The following CSMD1 variants were observed in gnomAD, a reference collection of about 807,000 sequenced individuals.
CSMD1 encodes the protein CUB and Sushi multiple domains 1, also known as CUB and sushi domain-containing protein 1.
Under a neutral mutation model 417.5 loss-of-function variants are expected in CSMD1, and 213 were observed. That is an observed-to-expected ratio of 0.51 (90% CI 0.46 to 0.57). The LOEUF (loss-of-function observed/expected upper bound fraction) is 0.57, where lower values mean the gene tolerates loss of function less well. Among genes scored for constraint, CSMD1 ranks in the 20% least tolerant of loss-of-function variants. The pLI, the probability that CSMD1 is intolerant of heterozygous loss-of-function variation, is 0.00. For synonymous variants in CSMD1, 2,862 were observed against 1,736.8 expected (o/e 1.65, Z -16.11); for missense variants, 6,923 against 4,529.7 (o/e 1.53, Z -15.17).
At chr8:4,287,159 G>C (rs1282508574) in intron 3 of CSMD1, among the ~76,000 whole-genome samples, 7 of 152,198 alleles carry the variant, frequency 4.6e-5, no homozygotes, top group African/African-American at 1.2e-4. Context: ...TATGTGGACA[G>C]ATTCTGTGTA....
At chr8:3,915,028 T>C (rs1307908375) in intron 5 of CSMD1, among the ~76,000 whole-genome samples, 1 of 152,130 alleles carries the variant, frequency 6.6e-6, no homozygotes. Flanking sequence ...GAGGAGATTC[T>C]ACAAACACAT....
At chr8:3,993,181 G>C (rs930781297) in intron 5 of CSMD1, among the ~76,000 whole-genome samples, 2 of 152,200 alleles carry the variant, frequency 1.3e-5, no homozygotes, top group Non-Finnish European at 2.9e-5. Flanking sequence ...AAGGAAGCTA[G>C]GTTTAGGATA....
intron 3 of CSMD1, among the ~76,000 whole-genome samples, chr8:4,192,199 A>C (rs73658451): frequency 1.3e-5 from 2 of 152,170 alleles, no homozygotes; most frequent in African/African-American, 4.8e-5. Flanking sequence ...TTAAAAATCA[A>C]AGTTAAAACA....
At chr8:3,383,378 G>C (rs527577982) in intron 18 of CSMD1, among the ~76,000 whole-genome samples, 2 of 150,896 alleles carry the variant, frequency 1.3e-5, no homozygotes, top group African/African-American at 4.9e-5. Context: ...TCCACACTAG[G>C]AAAACCTCAT....
intron 5 of CSMD1, among the ~76,000 whole-genome samples, chr8:3,864,095 C>T (rs1229299828): frequency 6.6e-6 from 1 of 152,076 alleles, no homozygotes; most frequent in Non-Finnish European, 1.5e-5. Flanking sequence ...ACAATATTTT[C>T]ACCTGATTTT....
At chr8:4,368,171 A>T (rs909024069) in intron 3 of CSMD1, among the ~76,000 whole-genome samples, 1 of 152,218 alleles carries the variant, frequency 6.6e-6, no homozygotes, top group African/African-American at 2.4e-5. Flanking sequence ...TATTCCTTCA[A>T]TGCCTAATTT....
At chr8:3,851,044 T>C (rs1201828902) in intron 5 of CSMD1, among the ~76,000 whole-genome samples, 2 of 152,226 alleles carry the variant, frequency 1.3e-5, no homozygotes, top group African/African-American at 4.8e-5. Context: ...CATAACAATT[T>C]GTAGAAATGA....
At chr8:4,459,669 A>G (rs751629536) in intron 2 of CSMD1, among the ~76,000 whole-genome samples, 1 of 152,222 alleles carries the variant, frequency 6.6e-6, no homozygotes, top group Admixed American at 6.5e-5. Flanking sequence ...TATCTCCTGC[A>G]AAGAAGTGTG....
chr8:2,980,148 C>T (rs1447621543), intron 54 of CSMD1, among the ~76,000 whole-genome samples: 2 of 152,204 alleles, frequency 1.3e-5, no homozygotes, highest in African/African-American at 4.8e-5. Context: ...TTATGTTGCT[C>T]TTAGGAGACT....
intron 1 of CSMD1, among the ~76,000 whole-genome samples, chr8:4,920,512 G>A (rs1410476842): frequency 6.6e-6 from 1 of 152,062 alleles, no homozygotes; most frequent in Non-Finnish European, 1.5e-5. Context: ...AGTTACTGGG[G>A]ACCTGTCCTC....
At chr8:3,508,517 G>A (rs1796930512) in intron 10 of CSMD1, among the ~76,000 whole-genome samples, 1 of 149,340 alleles carries the variant, frequency 6.7e-6, no homozygotes. Flanking sequence ...AAAAAAAAAA[G>A]AAAAAATAGA....
chr8:3,371,319 C>G (rs1347757810), intron 18 of CSMD1, among the ~76,000 whole-genome samples: 1 of 152,146 alleles, frequency 6.6e-6, no homozygotes, highest in Non-Finnish European at 1.5e-5. Flanking sequence ...CTCTGTGCTT[C>G]CATGGCCTCA....
intron 6 of CSMD1, among the ~76,000 whole-genome samples, chr8:3,745,954 G>T (rs1410167229): frequency 1.3e-5 from 2 of 152,198 alleles, no homozygotes; most frequent in Non-Finnish European, 2.9e-5. Context: ...CAGACTTCAT[G>T]ACCAGTTGGT....
chr8:4,913,219 T>G (rs1195631235), intron 1 of CSMD1, among the ~76,000 whole-genome samples: 3 of 152,192 alleles, frequency 2.0e-5, no homozygotes, highest in African/African-American at 4.8e-5. Context: ...TGCTGTTAGG[T>G]ACATCCCAAA....
At chr8:4,902,153 T>G (rs2117047764) in intron 1 of CSMD1, among the ~76,000 whole-genome samples, 1 of 152,218 alleles carries the variant, frequency 6.6e-6, no homozygotes, top group African/African-American at 2.4e-5. Flanking sequence ...AAAATGCCTG[T>G]CAACCCAGCT....
chr8:4,621,832 C>T (rs769264367), intron 2 of CSMD1, among the ~76,000 whole-genome samples: 8 of 151,882 alleles, frequency 5.3e-5, no homozygotes, highest in South Asian at 2.1e-4. Flanking sequence ...GTGTACCTTA[C>T]GACCAAGTAG....
chr8:4,440,458 T>A (rs983566637), intron 2 of CSMD1, among the ~76,000 whole-genome samples: 2 of 152,320 alleles, frequency 1.3e-5, no homozygotes, highest in East Asian at 1.9e-4. Context: ...GTTCATCTTG[T>A]TACTCACAAA....
chr8:3,169,618 C>T (rs1390806768), intron 37 of CSMD1, among the ~76,000 whole-genome samples: 1 of 152,128 alleles, frequency 6.6e-6, no homozygotes, highest in Non-Finnish European at 1.5e-5. Context: ...CTTAATACCA[C>T]TGAACTGTAC....
At chr8:4,798,452 T>G (rs1355045011) in intron 1 of CSMD1, among the ~76,000 whole-genome samples, 1 of 152,132 alleles carries the variant, frequency 6.6e-6, no homozygotes, top group Middle Eastern at 3.2e-3. Flanking sequence ...GGAGATGAGA[T>G]TTTGCAATAT....
Sources: allele counts gnomAD v4.1 joint callset (sites outside exome capture counted in the v4.1 genomes callset), GRCh38; gene constraint gnomAD v4.1.1; transcripts MANE v1.5; gene names NCBI Gene and HGNC (gene_info 2026-07-23, HGNC 2026-07-21).